Variants in KIAA1217 observed in about 807,000 individuals in gnomAD.
KIAA1217 encodes KIAA1217, also known as sickle tail protein homolog.
A neutral mutation model predicts 163.9 loss-of-function variants in KIAA1217; 88 were observed. That is an observed-to-expected ratio of 0.54 (90% CI 0.45 to 0.64). The LOEUF (loss-of-function observed/expected upper bound fraction) is 0.64, where lower values mean the gene tolerates loss of function less well. Among genes scored for constraint, KIAA1217 ranks in the 30% least tolerant of loss-of-function variants. The pLI is 0.00. For missense variants in KIAA1217, 2,372 were observed against 2,475.0 expected, an observed-to-expected ratio of 0.96 and a Z score of 0.88; for synonymous variants, 903 against 923.1, an observed-to-expected ratio of 0.98 and a Z score of 0.39.
At chr10:24,319,532 G>T (rs2043858429) in intron 2 of KIAA1217, among the ~76,000 whole-genome samples, 1 of 152,156 alleles carries the variant, frequency 6.6e-6, no homozygotes, top group African/African-American at 2.4e-5. Context: ...GCATAGGCGA[G>T]AAGTCAGAAA....
chr10:23,818,835 T>C (rs1837487026), intron 1 of KIAA1217, among the ~76,000 whole-genome samples: 1 of 152,164 alleles, frequency 6.6e-6, no homozygotes, highest in African/African-American at 2.4e-5. Flanking sequence ...TGTCATGACC[T>C]GGTGACTATT....
chr10:24,333,954 A>G (rs1464113621), intron 2 of KIAA1217, among the ~76,000 whole-genome samples: 1 of 152,220 alleles, frequency 6.6e-6, no homozygotes, highest in Non-Finnish European at 1.5e-5. Context: ...TAAGAGGGCA[A>G]ATTCTTAACT....
Position 23,795,049 on chromosome 10 carries a change from C to T in KIAA1217, c.-321+99815C>T, listed in dbSNP as rs185129147. Among the ~76,000 whole-genome samples the T allele has an allele frequency of 2.6e-5, 4 of 152,308 alleles. No homozygotes were observed. The East Asian group carries it at 5.8e-4, about 22-fold the overall frequency. ...CCTCAGTGCTCCTGGGTGTGTGTGA[C>T]AGTTTCAGCCTGCCTCAGCCTGGCC... On this transcript the variant is annotated intron_variant, in intron 1 of 18. Transcript: ENST00000376462.
rs556022585 is a variant in KIAA1217, at chr10:23,955,180, G to A, written c.-320-52045G>A. Among the ~76,000 whole-genome samples the A allele has an allele frequency of 1.1e-4, 16 of 152,244 alleles. No individual in the cohort carries two copies. The South Asian group carries it at 2.1e-3, about 20-fold the overall frequency. On this transcript the variant is annotated intron_variant, in intron 1 of 18. Transcript: ENST00000376462. Reference sequence around the variant, plus strand: ...ACAAAAGTTCACAGAGGGGGTAAGCGGCAGAGCATGAATTCAAAACCAAGT... The same window carrying A: ...ACAAAAGTTCACAGAGGGGGTAAGCAGCAGAGCATGAATTCAAAACCAAGT...
intron 2 of KIAA1217, among the ~76,000 whole-genome samples, chr10:24,256,042 T>C (rs1281869167): frequency 2.2e-4 from 17 of 77,828 alleles, no homozygotes; most frequent in Admixed American, 2.1e-4. Context: ...CAAGCTCAGA[T>C]GACCAAAAAA....
chr10:23,920,676 A>G (rs1842817587), intron 1 of KIAA1217, among the ~76,000 whole-genome samples: 1 of 152,174 alleles, frequency 6.6e-6, no homozygotes, highest in South Asian at 2.1e-4. Flanking sequence ...AGTCAGTGAC[A>G]GGGACTTCTC....
chr10:24,355,121 A>T (rs960482848), intron 2 of KIAA1217, among the ~76,000 whole-genome samples: 1 of 152,166 alleles, frequency 6.6e-6, no homozygotes, highest in Non-Finnish European at 1.5e-5. Flanking sequence ...GTCCCAGGTG[A>T]CACAGACTGG....
intron 1 of KIAA1217, among the ~76,000 whole-genome samples, chr10:23,887,687 A>G (rs1314626921): frequency 1.3e-5 from 2 of 151,794 alleles, no homozygotes; most frequent in African/African-American, 4.8e-5. Context: ...TACCCTTTGA[A>G]AGAACCTGAA....
intron 1 of KIAA1217, among the ~76,000 whole-genome samples, chr10:23,824,108 C>G (rs1464428233): frequency 2.0e-5 from 3 of 151,738 alleles, no homozygotes; most frequent in Admixed American, 1.3e-4. Context: ...CCCATCTCTA[C>G]AAAAAATACA....
At chr10:23,942,217 C>T (rs972312140) in intron 1 of KIAA1217, among the ~76,000 whole-genome samples, 4 of 152,046 alleles carry the variant, frequency 2.6e-5, no homozygotes, top group Non-Finnish European at 5.9e-5. Flanking sequence ...TGACTAGAAA[C>T]TGTCAATGAG....
At chr10:24,311,850 G>T (rs557108784) in intron 2 of KIAA1217, among the ~76,000 whole-genome samples, 11 of 152,302 alleles carry the variant, frequency 7.2e-5, no homozygotes, top group Admixed American at 5.9e-4. Context: ...GGCTTGAAAA[G>T]AGAAGGACTT....
intron 1 of KIAA1217, among the ~76,000 whole-genome samples, chr10:23,963,617 T>C (rs1844919073): frequency 6.6e-6 from 1 of 152,190 alleles, no homozygotes; most frequent in South Asian, 2.1e-4. Context: ...TTACAATCCT[T>C]TGAGTATATA....
intron 1 of KIAA1217, among the ~76,000 whole-genome samples, chr10:23,768,007 G>A (rs1834619060): frequency 1.3e-5 from 2 of 152,172 alleles, no homozygotes; most frequent in Non-Finnish European, 2.9e-5. Flanking sequence ...TTAGGGCCAG[G>A]CCATGCCCAA....
upstream of KIAA1217, among the ~76,000 whole-genome samples, chr10:24,207,436 C>T (rs1020652273): frequency 6.6e-6 from 1 of 152,154 alleles, no homozygotes; most frequent in African/African-American, 2.4e-5. Context: ...GCAGGGCCCT[C>T]CTTCATGAAC....
intron 5 of KIAA1217, among the ~76,000 whole-genome samples, chr10:24,464,239 G>A (rs1043272724): frequency 6.6e-6 from 1 of 152,148 alleles, no homozygotes; most frequent in Non-Finnish European, 1.5e-5. Context: ...GGATTGGGCT[G>A]GCTTTCAAAC....
chr10:23,744,535 A>G (rs1839291962), intron 1 of KIAA1217, among the ~76,000 whole-genome samples: 2 of 152,142 alleles, frequency 1.3e-5, no homozygotes, highest in Non-Finnish European at 1.5e-5. Context: ...TGTATCATAA[A>G]GGGTGTTTTG....
intron 2 of KIAA1217, among the ~76,000 whole-genome samples, chr10:24,288,218 A>G (rs1270590186): frequency 1.3e-5 from 2 of 152,184 alleles, no homozygotes; most frequent in Non-Finnish European, 2.9e-5. Context: ...TATGTATATT[A>G]TGATTGCTTT....
At chr10:23,777,059 T>C (rs1174025051) in intron 1 of KIAA1217, among the ~76,000 whole-genome samples, 1 of 152,196 alleles carries the variant, frequency 6.6e-6, no homozygotes, top group Non-Finnish European at 1.5e-5. Context: ...ATCATTCTTA[T>C]TGTCAGGTCA....
At chr10:23,866,404 G>T (rs1251823076) in intron 1 of KIAA1217, among the ~76,000 whole-genome samples, 1 of 152,086 alleles carries the variant, frequency 6.6e-6, no homozygotes, top group Non-Finnish European at 1.5e-5. Context: ...ACAAAATTTT[G>T]TATTTTAGCA....
Sources: gnomAD v4.1 joint callset for allele counts (sites outside exome capture counted in the v4.1 genomes callset) on GRCh38, gnomAD v4.1.1 for gene constraint, MANE v1.5 for transcripts, NCBI Gene and HGNC (gene_info 2026-07-23, HGNC 2026-07-21) for gene names.